Variants in CNTNAP2 observed in about 807,000 individuals in gnomAD.
CNTNAP2 encodes contactin-associated protein-like 2.
A neutral mutation model predicts 155.2 loss-of-function variants in CNTNAP2; 98 were observed. The observed-to-expected ratio is 0.63, with a 90% confidence interval of 0.54 to 0.75. The LOEUF (loss-of-function observed/expected upper bound fraction) is 0.75, where lower values mean the gene tolerates loss of function less well. CNTNAP2 is among the 30% of genes least tolerant of loss of function. The probability of loss-of-function intolerance (pLI) is 0.00; values close to 1 mark genes in which losing one functional copy is unlikely to be tolerated. For missense variants in CNTNAP2, 1,727 were observed against 1,688.1 expected (o/e 1.02, Z -0.40); for synonymous variants, 651 against 631.2 (o/e 1.03, Z -0.47).
intron 1 of CNTNAP2, among the ~76,000 whole-genome samples, chr7:146,712,529 G>T (rs1801115239): frequency 6.7e-6 from 1 of 150,258 alleles, no homozygotes; most frequent in Admixed American, 6.7e-5. Flanking sequence ...ACAGTTGAAA[G>T]GCCAGAATGA....
chr7:147,903,287 T>A (rs1799905282), intron 13 of CNTNAP2, among the ~76,000 whole-genome samples: 1 of 152,254 alleles, frequency 6.6e-6, no homozygotes, highest in African/African-American at 2.4e-5. Context: ...TTGAGGATTT[T>A]CTATTCATAG....
chr7:146,478,738 A>G (rs1444286987), intron 1 of CNTNAP2, among the ~76,000 whole-genome samples: 3 of 151,914 alleles, frequency 2.0e-5, no homozygotes, highest in Non-Finnish European at 2.9e-5. Context: ...CACATATTAA[A>G]CACACAAATG....
At chr7:146,745,009 A>C (rs551286358) in intron 1 of CNTNAP2, among the ~76,000 whole-genome samples, 1 of 152,320 alleles carries the variant, frequency 6.6e-6, no homozygotes, top group African/African-American at 2.4e-5. Flanking sequence ...TTTTTCTTTC[A>C]GAACAACTTT....
At chr7:146,785,476 A>G (rs952559945) in intron 2 of CNTNAP2, among the ~76,000 whole-genome samples, 2 of 152,230 alleles carry the variant, frequency 1.3e-5, no homozygotes, top group African/African-American at 4.8e-5. Context: ...ACAAGTACAT[A>G]AAATATTATT....
chr7:146,499,507 T>C (rs1475118774), intron 1 of CNTNAP2, among the ~76,000 whole-genome samples: 1 of 152,208 alleles, frequency 6.6e-6, no homozygotes, highest in Non-Finnish European at 1.5e-5. Context: ...TCACAACTTT[T>C]TTGCCCCAAC....
chr7:147,011,418 C>CAAAA (rs759844476), intron 3 of CNTNAP2, among the ~76,000 whole-genome samples: 21 of 13,258 alleles, frequency 1.6e-3, no homozygotes, highest in Non-Finnish European at 2.7e-3. Flanking sequence ...CACTCCATCT[C>CAAAA]AAAAAAAAAA....
At chr7:148,398,662 T>C (rs1287247928) in intron 22 of CNTNAP2, among the ~76,000 whole-genome samples, 1 of 152,204 alleles carries the variant, frequency 6.6e-6, no homozygotes, top group African/African-American at 2.4e-5. Context: ...GAAGCGCATC[T>C]CTTGAGTAGA....
At chr7:147,025,218 G>A (rs1012165011) in intron 3 of CNTNAP2, among the ~76,000 whole-genome samples, 13 of 143,484 alleles carry the variant, frequency 9.1e-5, no homozygotes, top group South Asian at 2.4e-4. Context: ...CCCGGGAAGC[G>A]GATGTTTCAG....
intron 9 of CNTNAP2, among the ~76,000 whole-genome samples, chr7:147,309,602 T>A (rs1008117405): frequency 6.6e-6 from 1 of 152,184 alleles, no homozygotes; most frequent in Non-Finnish European, 1.5e-5. Flanking sequence ...TTGTAGTGAG[T>A]CACCTAGAAA....
In CNTNAP2 at chr7:147,369,561, A is replaced by C. The variant is rs149456410; in HGVS notation, c.1499-26048A>C. On this transcript the variant is annotated intron_variant, in intron 9 of 23. Transcript: ENST00000361727. ...TCAAGAATCAGCAGTCTGTTTTTCCATAAAGGGCCTAATAAATATTCTCAG... is the reference window on the plus strand; with the variant it reads ...TCAAGAATCAGCAGTCTGTTTTTCCCTAAAGGGCCTAATAAATATTCTCAG... Among the ~76,000 whole-genome samples the C allele has an allele frequency of 7.9e-5, 12 of 152,304 alleles. No homozygotes were observed. In the Middle Eastern group the frequency reaches 0.01, roughly 130 times the overall value.
At chr7:146,550,306 T>C (rs1243345524) in intron 1 of CNTNAP2, among the ~76,000 whole-genome samples, 2 of 151,330 alleles carry the variant, frequency 1.3e-5, no homozygotes, top group Non-Finnish European at 2.9e-5. Flanking sequence ...CAACTCATCA[T>C]TGACATTAAA....
intron 3 of CNTNAP2, among the ~76,000 whole-genome samples, chr7:147,000,830 G>C (rs1798408358): frequency 6.6e-6 from 1 of 152,092 alleles, no homozygotes; most frequent in African/African-American, 2.4e-5. Context: ...TGTTGTGGTA[G>C]GTTATTTAGA....
chr7:147,770,730 G>T (rs1474355032), intron 13 of CNTNAP2, among the ~76,000 whole-genome samples: 1 of 152,146 alleles, frequency 6.6e-6, no homozygotes, highest in African/African-American at 2.4e-5. Flanking sequence ...AATAGATGAA[G>T]TGTGATCATG....
chr7:147,217,692 T>C (rs981296399), intron 8 of CNTNAP2, among the ~76,000 whole-genome samples: 1 of 152,030 alleles, frequency 6.6e-6, no homozygotes, highest in African/African-American at 2.4e-5. Flanking sequence ...CCTCAGCTTC[T>C]ATCTTTTGAA....
chr7:147,062,171 C>CCAG (rs1799695744), intron 4 of CNTNAP2, among the ~76,000 whole-genome samples: 1 of 77,584 alleles, frequency 1.3e-5, no homozygotes, highest in Admixed American at 1.6e-4. Context: ...AAAAAAAAAA[C>CCAG]CAGTTCTTTA....
chr7:147,519,943 C>T (rs1429068851), intron 11 of CNTNAP2, among the ~76,000 whole-genome samples: 1 of 152,112 alleles, frequency 6.6e-6, no homozygotes, highest in Non-Finnish European at 1.5e-5. Context: ...GCATTATGAC[C>T]ACCCACGAAT....
intron 11 of CNTNAP2, among the ~76,000 whole-genome samples, chr7:147,487,638 G>A (rs1798533252): frequency 6.6e-6 from 1 of 151,904 alleles, no homozygotes; most frequent in Non-Finnish European, 1.5e-5. Flanking sequence ...CTTTTACATT[G>A]AACTGAAAAG....
intron 13 of CNTNAP2, among the ~76,000 whole-genome samples, chr7:147,689,404 C>T (rs989604312): frequency 6.6e-6 from 1 of 152,154 alleles, no homozygotes. Flanking sequence ...CCACCTCAGC[C>T]TCCCAAAGTG....
intron 18 of CNTNAP2, among the ~76,000 whole-genome samples, chr7:148,204,487 C>T (rs1256563621): frequency 6.6e-6 from 1 of 152,166 alleles, no homozygotes; most frequent in Non-Finnish European, 1.5e-5. Flanking sequence ...TCATCAACTT[C>T]GACTTTGAAA....
Sources: allele counts gnomAD v4.1 joint callset (sites outside exome capture counted in the v4.1 genomes callset), GRCh38; gene constraint gnomAD v4.1.1; transcripts MANE v1.5; gene names NCBI Gene and HGNC (gene_info 2026-07-23, HGNC 2026-07-21).